IL1R1: variants seen among roughly 807,000 people sequenced by gnomAD.
The protein encoded by IL1R1 is interleukin-1 receptor type 1.
IL1R1 carries 22 observed loss-of-function variants against 50.2 expected under a neutral mutation model. The ratio of observed to expected loss-of-function variants is 0.44; its 90% confidence interval spans 0.31 to 0.63. The LOEUF is 0.63. Among genes scored for constraint, IL1R1 ranks in the 20% least tolerant of loss-of-function variants. The pLI, the probability that IL1R1 is intolerant of heterozygous loss-of-function variation, is 0.07. For synonymous variants in IL1R1, 251 were observed against 236.7 expected (o/e 1.06, Z -0.55); for missense variants, 509 against 676.2 (o/e 0.75, Z 2.74).
Position 102,178,991 on chromosome 2 carries a change from C to T in IL1R1, c.*2232C>T, listed in dbSNP as rs1686366424. On this transcript the variant is annotated 3_prime_UTR_variant, in exon 12 of 12. Coordinates refer to ENST00000410023, the MANE Select transcript of IL1R1 (RefSeq NM_000877.4). ...TTTAAGTCTCTGACTCTTGCCTTTC[C>T]ACCTGCTTTCTCCTGGGCCCGCTTT... is the stretch of plus-strand genomic sequence containing the variant. 6.6e-6 allele frequency: 1 copy of T among 152,200 alleles called. No homozygotes were observed. Among genetic ancestry groups the T allele is most frequent in the African/African-American group, 2.4e-5 (1 of 41,400 alleles). 9.4% of individuals were successfully genotyped at this position (152,200 alleles called of 1,614,324 possible).
chr2:102,137,880 G>T (rs1559481521), upstream of IL1R1, among the ~76,000 whole-genome samples: 2 of 152,054 alleles, frequency 1.3e-5, no homozygotes, highest in African/African-American at 4.8e-5. Flanking sequence ...AGGTTGAAAG[G>T]CTCCAACACA....
chr2:102,175,938 G>T, intron 11 of IL1R1: 2 of 512,098 alleles, frequency 3.9e-6, no homozygotes, highest in Non-Finnish European at 3.4e-6. Context: ...GAGATCAAAT[G>T]ATTGAATAAT....
intron 2 of IL1R1, among the ~76,000 whole-genome samples, chr2:102,154,544 T>G (rs1683992853): frequency 6.6e-6 from 1 of 152,062 alleles, no homozygotes; most frequent in Non-Finnish European, 1.5e-5. Flanking sequence ...TCTGGCCCAG[T>G]CTGTCCCTGC....
intron 1 of IL1R1, among the ~76,000 whole-genome samples, chr2:102,089,816 T>G (rs1297360047): frequency 1.3e-5 from 2 of 151,172 alleles, no homozygotes; most frequent in South Asian, 2.1e-4. Context: ...GGTCAAGGTG[T>G]AGTTATCTTT....
intron 7 of IL1R1, 124 bp from the exon 8 acceptor site, chr2:102,171,677 A>T: frequency 2.2e-6 from 1 of 455,578 alleles, no homozygotes; most frequent in Non-Finnish European, 3.9e-6. Context: ...TGGTGGGTTT[A>T]GGGTAATTTT....
At chr2:102,118,080 C>A (rs1383330366) in intron 1 of IL1R1, among the ~76,000 whole-genome samples, 1 of 152,038 alleles carries the variant, frequency 6.6e-6, no homozygotes, top group East Asian at 1.9e-4. Flanking sequence ...TGATGGGAGT[C>A]TTTTGTTCTA....
intron 3 of IL1R1, among the ~76,000 whole-genome samples, chr2:102,159,633 C>T (rs753740630): frequency 2.6e-5 from 4 of 152,116 alleles, no homozygotes; most frequent in Admixed American, 1.3e-4. Context: ...TTCCAGCAAA[C>T]GCCTTGGGGA....
intron 9 of IL1R1, among the ~76,000 whole-genome samples, chr2:102,174,051 G>T (rs2104636798): frequency 6.6e-6 from 1 of 152,244 alleles, no homozygotes; most frequent in African/African-American, 2.4e-5. Flanking sequence ...GATATTTAGA[G>T]GGTACTTTCT....
At chr2:102,106,613 T>C (rs1680427852) in intron 1 of IL1R1, among the ~76,000 whole-genome samples, 1 of 152,092 alleles carries the variant, frequency 6.6e-6, no homozygotes, top group East Asian at 1.9e-4. Context: ...AAAAAATACA[T>C]AGAGATAATA....
At chr2:102,150,185 G>A (rs1297959247) in intron 1 of IL1R1, among the ~76,000 whole-genome samples, 1 of 152,218 alleles carries the variant, frequency 6.6e-6, no homozygotes, top group Non-Finnish European at 1.5e-5. Context: ...TGGCTACACA[G>A]CAGGAAAAAT....
At chr2:102,165,475 A>G (rs1033263224) in intron 5 of IL1R1, among the ~76,000 whole-genome samples, 171 bp downstream of exon 5, 2 of 152,222 alleles carry the variant, frequency 1.3e-5, no homozygotes, top group African/African-American at 4.8e-5. Flanking sequence ...ACTTAATTTG[A>G]AGCTTAACTA....
At chr2:102,110,756 G>A (rs1404891678) in intron 1 of IL1R1, among the ~76,000 whole-genome samples, 2 of 151,916 alleles carry the variant, frequency 1.3e-5, no homozygotes, top group Non-Finnish European at 2.9e-5. Flanking sequence ...TGTGTTTTGA[G>A]GCCTTGCTGT....
At chr2:102,135,766 C>G (rs371451359) in intron 1 of IL1R1, among the ~76,000 whole-genome samples, 7 of 152,158 alleles carry the variant, frequency 4.6e-5, no homozygotes, top group African/African-American at 1.7e-4. Context: ...GAACATTTTG[C>G]GGTGAAGGAA....
chr2:102,158,448 A>C (rs1357917232), intron 3 of IL1R1, among the ~76,000 whole-genome samples: 1 of 152,208 alleles, frequency 6.6e-6, no homozygotes, highest in South Asian at 2.1e-4. Context: ...ATGTGGCCAG[A>C]AAAAAACCTC....
chr2:102,138,906 C>T (rs573254106), upstream of IL1R1, among the ~76,000 whole-genome samples: 1 of 152,302 alleles, frequency 6.6e-6, no homozygotes, highest in East Asian at 1.9e-4. Context: ...GCCAACTAGA[C>T]TTAGGAATTC....
rs539975007 is a variant in IL1R1, at chr2:102,168,036, C to T, written c.656-562C>T. Among the ~76,000 whole-genome samples the T allele has an allele frequency of 2.3e-4, 35 of 152,080 alleles. No homozygotes were observed. The South Asian group carries it at 7.3e-3, about 32-fold the overall frequency. ...TACCGAGTGCTCAATTTTATAGTTT[C>T]TCATAGTTTCTTCATGGCCACAGAT... On this transcript the variant is annotated intron_variant, in intron 6 of 11. Coordinates refer to ENST00000410023, the MANE Select transcript of IL1R1 (RefSeq NM_000877.4).
At chr2:102,073,793 G>A (rs958608826) in intron 1 of IL1R1, among the ~76,000 whole-genome samples, 2 of 151,972 alleles carry the variant, frequency 1.3e-5, no homozygotes, top group Non-Finnish European at 1.5e-5. Context: ...AAATCTCTAA[G>A]CTCAAAGAAG....
chr2:102,127,657 C>CTG (rs60587758), intron 1 of IL1R1, among the ~76,000 whole-genome samples: 7,932 of 144,876 alleles, frequency 0.055, 207 homozygotes, highest in Non-Finnish European at 0.056. Context: ...GTGTGTGTGA[C>CTG]TGTGTGTGTG....
At chr2:102,084,835 A>G (rs980233973) in intron 1 of IL1R1, among the ~76,000 whole-genome samples, 5 of 152,326 alleles carry the variant, frequency 3.3e-5, no homozygotes. Context: ...GGTTCTGCTA[A>G]TATGTACTTC....
Sources: gnomAD v4.1 joint callset for allele counts (sites outside exome capture counted in the v4.1 genomes callset) on GRCh38, gnomAD v4.1.1 for gene constraint, MANE v1.5 for transcripts, NCBI Gene and HGNC (gene_info 2026-07-23, HGNC 2026-07-21) for gene names.